CPLANE1: variants seen among roughly 807,000 people sequenced by gnomAD.
The protein encoded by CPLANE1 is ciliogenesis and planar polarity effector complex subunit 1.
CPLANE1 carries 263 observed loss-of-function variants against 362.5 expected under a neutral mutation model. The observed-to-expected ratio is 0.73, with a 90% CI of 0.66 to 0.80. CPLANE1 has a LOEUF of 0.80. CPLANE1 is among the 30% of genes least tolerant of loss of function. The pLI, the probability that CPLANE1 is intolerant of heterozygous loss-of-function variation, is 0.00. For synonymous variants in CPLANE1, 1,212 were observed against 1,302.6 expected (o/e 0.93, Z 1.50); for missense variants, 3,461 against 3,793.4 (o/e 0.91, Z 2.30).
chr5:37,241,085 G>A (rs867941193), intron 6 of CPLANE1, among the ~76,000 whole-genome samples: 3 of 150,928 alleles, frequency 2.0e-5, no homozygotes, highest in South Asian at 2.1e-4. Flanking sequence ...GCAGTGAGCC[G>A]AGATTACGTC....
intron 9 of CPLANE1, among the ~76,000 whole-genome samples, chr5:37,229,916 C>A (rs1480596654): frequency 1.3e-5 from 2 of 152,186 alleles, no homozygotes; most frequent in East Asian, 3.9e-4. Flanking sequence ...CAGGCTCATG[C>A]CTGTACTTCT....
At chr5:37,195,154 CAA>C (rs749441277) in intron 21 of CPLANE1, among the ~76,000 whole-genome samples, 18 of 72,634 alleles carry the variant, frequency 2.5e-4, no homozygotes, top group Admixed American at 3.2e-4. Context: ...GACTCCATCT[CAA>C]AAAAAAAAAA....
intron 21 of CPLANE1, among the ~76,000 whole-genome samples, chr5:37,193,961 A>C (rs1351130475): frequency 6.9e-6 from 1 of 145,494 alleles, no homozygotes; most frequent in Non-Finnish European, 1.5e-5. Context: ...TCGTCCTGTC[A>C]CCCAGGCTGG....
In CPLANE1 at chr5:37,238,953, T is replaced by C; in HGVS notation, c.842A>G (p.Gln281Arg). The C allele has an allele frequency of 1.4e-6, 2 of 1,478,266 alleles. No individual in the cohort carries two copies. The highest frequency in any genetic ancestry group is 1.8e-6 in the Non-Finnish European group (2 of 1,109,666). The allele number at this position is 1,478,266 out of a possible 1,614,324, so 91.6% of individuals were successfully genotyped here. ...TLNQKDPKAT[Q>R]VLFINTLNFV... ...ATTCAGTGTGTTTATAAATAATACC[T>C]GAGTTGCCTAGAAAGGAAAAAAAAG... The change falls in exon 8 of 53, where the codon CAG becomes CGG. Residue 281 changes from glutamine (Q) to arginine (R), a missense_variant. This residue lies in a region of CPLANE1 where 3,380 missense variants were observed against 3,666.1 expected (regional missense o/e 0.92). Transcript: ENST00000651892.
At chr5:37,198,985 A>G in intron 19 of CPLANE1, 119 bp from the exon 20 acceptor site, 1 of 913,440 alleles carries the variant, frequency 1.1e-6, no homozygotes, top group Non-Finnish European at 1.6e-6. Flanking sequence ...TAATCCCAGC[A>G]CTTTGGAAGG....
At chr5:37,213,420 T>C (rs1793184270) in intron 16 of CPLANE1, 139 bp downstream of exon 16, 2 of 504,492 alleles carry the variant, frequency 4.0e-6, no homozygotes, top group Non-Finnish European at 3.2e-6. Context: ...TATTCATTCA[T>C]AGTCATAAAT....
chr5:37,249,156 G>T (rs1458603469), intron 1 of CPLANE1, 89 bp downstream of exon 1: 1 of 152,852 alleles, frequency 6.5e-6, no homozygotes, highest in Non-Finnish European at 1.5e-5. Context: ...CCCGACAGAA[G>T]AGTAGATGAG....
rs768671286 is a variant in CPLANE1 at position 37,153,907 on chromosome 5, C to G, written c.8206G>C (p.Gly2736Arg). 1 of 1,614,078 alleles carries G rather than the reference C, an allele frequency of 6.2e-7. No homozygotes were observed. Among genetic ancestry groups the G allele is most frequent in the South Asian group, 1.1e-5 (1 of 91,076 alleles). The change falls in exon 42 of 53, where the codon GGT (glycine) becomes CGT (arginine). Residue 2736 changes from glycine to arginine, a missense_variant. Around this residue, in one of 2 missense-constraint regions of CPLANE1, gnomAD observed 3,380 missense variants for 3,666.1 expected, o/e 0.92. Coordinates refer to ENST00000651892, the MANE Select transcript of CPLANE1 (RefSeq NM_001384732.1). ...GGTGCAGGGCAAGCTGCAGAGACAC[C>G]TTGCAGCCGTTTCCACAATAGATAA... ...EDYLLWKRLQ[G>R]VSAACPAPSS...
chr5:37,203,672 C>T lies in CPLANE1; in HGVS notation c.3289+1643G>A, dbSNP rs1180973329. Among the ~76,000 whole-genome samples, 6 of 152,300 alleles carry T rather than the reference C, an allele frequency of 3.9e-5. No individual in the cohort carries two copies. The East Asian group carries it at 9.7e-4, about 25-fold the overall frequency. On this transcript the variant is annotated intron_variant, in intron 18 of 52. Coordinates refer to ENST00000651892, the MANE Select transcript of CPLANE1 (RefSeq NM_001384732.1). The stretch of plus-strand genomic sequence containing the variant: ...AGCTGGGACTACAGGCATATACCAT[C>T]ATGCCTGGATAATTTTTGTATTTTC...
chr5:37,151,143 A>G (rs980496347), intron 42 of CPLANE1, among the ~76,000 whole-genome samples: 3 of 152,168 alleles, frequency 2.0e-5, no homozygotes, highest in African/African-American at 7.2e-5. Flanking sequence ...CTACTGCCAG[A>G]TGTCTTAAAG....
At chr5:37,205,152 A>G (rs1790355275) in intron 18 of CPLANE1, 163 bp downstream of exon 18, 1 of 455,254 alleles carries the variant, frequency 2.2e-6, no homozygotes. Flanking sequence ...GTAACACTCC[A>G]TCTCAAAAAA....
the CPLANE1 span, among the ~76,000 whole-genome samples, chr5:37,090,853 C>G: frequency 6.6e-6 from 1 of 152,170 alleles, no homozygotes; most frequent in East Asian, 1.9e-4. Context: ...ATTAAGTCCG[C>G]TCTTGAGCCC....
At chr5:37,120,451 C>A (rs1561310989) in intron 49 of CPLANE1, 111 bp from the exon 50 acceptor site, 1 of 864,734 alleles carries the variant, frequency 1.2e-6, no homozygotes, top group Non-Finnish European at 1.7e-6. Context: ...AAGCCTATAG[C>A]CCCAGCTACT....
chr5:37,114,850 C>T (rs1760447121), intron 51 of CPLANE1, 110 bp downstream of exon 51: 3 of 634,188 alleles, frequency 4.7e-6, no homozygotes, highest in Non-Finnish European at 8.1e-6. Flanking sequence ...AGTGAGCCGA[C>T]ATTGCACCAC....
At chr5:37,225,914 T>G (rs1239594787) in intron 12 of CPLANE1, among the ~76,000 whole-genome samples, 1 of 151,514 alleles carries the variant, frequency 6.6e-6, no homozygotes, top group Non-Finnish European at 1.5e-5. Flanking sequence ...AACCAAAATC[T>G]TTCAAGATCA....
chr5:37,206,491 C>T (rs1790778431), intron 16 of CPLANE1, 66 bp from the exon 17 acceptor site: 1 of 1,002,914 alleles, frequency 1.0e-6, no homozygotes, highest in Admixed American at 2.1e-5. Flanking sequence ...TTTACATGGG[C>T]ATATTTATCT....
At chr5:37,085,612 T>C in the CPLANE1 span, 3 of 934,264 alleles carry the variant, frequency 3.2e-6, no homozygotes, top group Non-Finnish European at 5.4e-6. Context: ...GTATGGTGAC[T>C]GGAGGTGCTA....
chr5:37,177,495 A>C, intron 30 of CPLANE1, 126 bp downstream of exon 30: 1 of 688,204 alleles, frequency 1.5e-6, no homozygotes, highest in Non-Finnish European at 2.6e-6. Flanking sequence ...CTATAAACTG[A>C]AGTTACAGTT....
intron 26 of CPLANE1, 102 bp from the exon 27 acceptor site, chr5:37,181,107 C>T (rs1782558523): frequency 2.1e-6 from 2 of 948,900 alleles, no homozygotes; most frequent in South Asian, 3.7e-5. Flanking sequence ...GAATAATCCT[C>T]TTATTCATTT....
Sources: allele counts gnomAD v4.1 joint callset (sites outside exome capture counted in the v4.1 genomes callset), GRCh38; gene constraint gnomAD v4.1.1; regional missense constraint gnomAD v4.1.1; transcripts MANE v1.5; gene names NCBI Gene and HGNC (gene_info 2026-07-23, HGNC 2026-07-21).